Variants in ZNF385D observed in about 807,000 individuals in gnomAD.
ZNF385D encodes the protein zinc finger protein 659.
ZNF385D carries 15 observed loss-of-function variants against 35.8 expected under a neutral mutation model. That is an observed-to-expected ratio of 0.42 (90% confidence interval 0.28 to 0.64). The LOEUF is 0.64. Ranked by LOEUF, ZNF385D falls within the 30% of genes least tolerant of loss-of-function variation. The probability of loss-of-function intolerance (pLI) is 0.23; values close to 1 mark genes in which losing one functional copy is unlikely to be tolerated. For synonymous variants in ZNF385D, 212 were observed against 186.8 expected (o/e 1.13, Z -1.10); for missense variants, 474 against 494.6 (o/e 0.96, Z 0.39).
chr3:22,326,484 G>A (rs1395253837), intron 2 of ZNF385D, among the ~76,000 whole-genome samples: 1 of 152,144 alleles, frequency 6.6e-6, no homozygotes, highest in African/African-American at 2.4e-5. Context: ...CTTGAGGAAA[G>A]TGTTATCACT....
At chr3:22,043,762 G>T (rs1427410657) in intron 3 of ZNF385D, among the ~76,000 whole-genome samples, 1 of 152,040 alleles carries the variant, frequency 6.6e-6, no homozygotes, top group Non-Finnish European at 1.5e-5. Flanking sequence ...ATACAATACG[G>T]TAAAAATGAC....
chr3:21,685,718 G>A (rs1237685299), intron 1 of ZNF385D, among the ~76,000 whole-genome samples: 1 of 152,128 alleles, frequency 6.6e-6, no homozygotes, highest in Non-Finnish European at 1.5e-5. Flanking sequence ...ATTAGTAATT[G>A]GCATTACCTA....
At chr3:21,954,357 G>A (rs1389817029) in intron 3 of ZNF385D, among the ~76,000 whole-genome samples, 5 of 151,808 alleles carry the variant, frequency 3.3e-5, no homozygotes, top group Non-Finnish European at 5.9e-5. Flanking sequence ...AAACACATAG[G>A]GATCAATATT....
chr3:21,448,445 T>C (rs1441589958), intron 4 of ZNF385D, among the ~76,000 whole-genome samples: 1 of 152,132 alleles, frequency 6.6e-6, no homozygotes, highest in Non-Finnish European at 1.5e-5. Context: ...GGTCATCACA[T>C]AACACAATGA....
intron 2 of ZNF385D, among the ~76,000 whole-genome samples, chr3:22,235,886 T>G (rs7617941): frequency 0.046 from 7,037 of 151,946 alleles, 277 homozygotes; most frequent in African/African-American, 0.11. Context: ...GTTCGACAAA[T>G]AAAAAGTAAA....
chr3:21,956,036 A>C (rs1335942908), intron 3 of ZNF385D, among the ~76,000 whole-genome samples: 1 of 151,992 alleles, frequency 6.6e-6, no homozygotes, highest in Non-Finnish European at 1.5e-5. Context: ...AAAGAAAAAA[A>C]ATTATCCACG....
intron 3 of ZNF385D, among the ~76,000 whole-genome samples, chr3:21,793,285 A>G (rs970553342): frequency 1.3e-5 from 2 of 152,224 alleles, no homozygotes; most frequent in Non-Finnish European, 2.9e-5. Context: ...AATGTCCTGT[A>G]TACTCCACAG....
intron 3 of ZNF385D, among the ~76,000 whole-genome samples, chr3:22,104,576 T>A (rs1702110677): frequency 6.6e-6 from 1 of 152,170 alleles, no homozygotes; most frequent in Non-Finnish European, 1.5e-5. Flanking sequence ...TAGTGATTTT[T>A]CAATTCTTCA....
At chr3:21,816,027 A>G (rs908631571) in intron 3 of ZNF385D, among the ~76,000 whole-genome samples, 1 of 152,236 alleles carries the variant, frequency 6.6e-6, no homozygotes, top group Non-Finnish European at 1.5e-5. Context: ...CGGGTTCAAC[A>G]TATGAAAATC....
In ZNF385D at chr3:22,338,792, C is replaced by T. The variant is rs1249700481; in HGVS notation, c.106+33658G>A. On this transcript the variant is annotated intron_variant, in intron 2 of 5. Coordinates refer to the ZNF385D transcript ENST00000494108. ...CTCGGCTCACTGTAGCCTCCACCTC[C>T]TGGGTTCTAGCAATTCTCCTGCCTC... Among the ~76,000 whole-genome samples, 3 of 150,702 alleles carry T rather than the reference C, an allele frequency of 2.0e-5. No individual in the cohort carries two copies. In the East Asian group the frequency reaches 5.8e-4, roughly 29 times the overall value.
chr3:21,633,729 G>A (rs564172949), intron 2 of ZNF385D, among the ~76,000 whole-genome samples: 2 of 152,014 alleles, frequency 1.3e-5, no homozygotes, highest in Admixed American at 1.3e-4. Flanking sequence ...AATGAATCTA[G>A]TAAACAGGAA....
At chr3:22,255,197 G>A (rs1700252561) in intron 2 of ZNF385D, among the ~76,000 whole-genome samples, 2 of 150,988 alleles carry the variant, frequency 1.3e-5, no homozygotes, top group South Asian at 4.2e-4. Flanking sequence ...AAAAAGAAAA[G>A]AAAAGAAAAA....
intron 3 of ZNF385D, among the ~76,000 whole-genome samples, chr3:21,983,116 G>A (rs12495767): frequency 8.3e-6 from 1 of 120,430 alleles, no homozygotes; most frequent in Non-Finnish European, 2.0e-5. Flanking sequence ...GAATGAATTG[G>A]GGAGGAGTCC....
At chr3:22,087,145 T>A (rs1307956442) in intron 3 of ZNF385D, among the ~76,000 whole-genome samples, 2 of 152,184 alleles carry the variant, frequency 1.3e-5, no homozygotes, top group African/African-American at 2.4e-5. Context: ...TGAGATCTTT[T>A]TTGAAACAGC....
chr3:21,841,377 T>C (rs1455763717), intron 3 of ZNF385D, among the ~76,000 whole-genome samples: 3 of 152,016 alleles, frequency 2.0e-5, no homozygotes, highest in South Asian at 2.1e-4. Flanking sequence ...CTGAGATCCT[T>C]TGAATTCTCC....
intron 2 of ZNF385D, among the ~76,000 whole-genome samples, chr3:21,616,524 A>C (rs1351237236): frequency 6.6e-6 from 1 of 152,204 alleles, no homozygotes; most frequent in Non-Finnish European, 1.5e-5. Context: ...ACAGCAAAAT[A>C]CACTTTTATT....
Position 22,370,774 on chromosome 3 carries a change from C to T in ZNF385D, c.106+1676G>A, listed in dbSNP as rs78094245. Among the ~76,000 whole-genome samples, 174 of 152,248 alleles carry T rather than the reference C, an allele frequency of 1.1e-3. 7 individuals are homozygous for T. In the East Asian group the frequency reaches 0.03, roughly 26 times the overall value. ...CCTTCTTGGGATTGTTAGGCATTTA[C>T]GTTAGCTGTAGAGTTTGGTGTTCAG... On this transcript the variant is annotated intron_variant, in intron 2 of 5. Transcript: ENST00000494108.
At chr3:21,711,341 G>A (rs1480407691) in intron 1 of ZNF385D, among the ~76,000 whole-genome samples, 3 of 151,834 alleles carry the variant, frequency 2.0e-5, no homozygotes, top group East Asian at 1.9e-4. Context: ...GCGCCCGGCC[G>A]CCAAAAGTTT....
At chr3:21,446,487 C>CTTTTTTTTTTTTT (rs71044918) in intron 4 of ZNF385D, among the ~76,000 whole-genome samples, 1 of 91,874 alleles carries the variant, frequency 1.1e-5, no homozygotes, top group Non-Finnish European at 2.0e-5. Context: ...AATCAATGAA[C>CTTTTTTTTTTTTT]TTTTTTTTTT....
Sources: gnomAD v4.1 joint callset for allele counts (sites outside exome capture counted in the v4.1 genomes callset) on GRCh38, gnomAD v4.1.1 for gene constraint, MANE v1.5 for transcripts, NCBI Gene and HGNC (gene_info 2026-07-23, HGNC 2026-07-21) for gene names.